WDR7: variants seen among roughly 807,000 people sequenced by gnomAD.
WDR7 encodes WD repeat-containing protein 7.
Under a neutral mutation model 169.4 loss-of-function variants are expected in WDR7, and 46 were observed. The ratio of observed to expected loss-of-function variants is 0.27; its 90% CI spans 0.21 to 0.35. The LOEUF (loss-of-function observed/expected upper bound fraction) is 0.35, where lower values mean the gene tolerates loss of function less well. WDR7 is among the 10% of genes least tolerant of loss of function. The pLI is 1.00. For missense variants in WDR7, 1,534 were observed against 1,859.3 expected (o/e 0.83, Z 3.22); for synonymous variants, 612 against 666.8 (o/e 0.92, Z 1.27).
chr18:56,664,530 CTTT>C (rs56780827), intron 1 of WDR7, among the ~76,000 whole-genome samples: 237 of 145,376 alleles, frequency 1.6e-3, no homozygotes, highest in East Asian at 1.8e-3. Flanking sequence ...TTTTTTTCTC[CTTT>C]TTTTTTTTTT....
At chr18:56,773,881 T>A (rs1214128953) in intron 16 of WDR7, among the ~76,000 whole-genome samples, 2 of 152,142 alleles carry the variant, frequency 1.3e-5, no homozygotes, top group East Asian at 1.9e-4. Flanking sequence ...AATTTTTTCA[T>A]GTTTTCTCTT....
chr18:56,702,589 G>C (rs1369905650), intron 12 of WDR7, among the ~76,000 whole-genome samples: 1 of 152,114 alleles, frequency 6.6e-6, no homozygotes, highest in East Asian at 1.9e-4. Context: ...TTTCAATTGT[G>C]GTAGGTAGCT....
At chr18:56,935,166 A>C (rs2046940770) in intron 22 of WDR7, among the ~76,000 whole-genome samples, 1 of 152,202 alleles carries the variant, frequency 6.6e-6, no homozygotes, top group Non-Finnish European at 1.5e-5. Context: ...TTATATAAAC[A>C]GAATTAGTAT....
intron 26 of WDR7, among the ~76,000 whole-genome samples, chr18:56,976,783 A>G (rs1300601682): frequency 2.0e-5 from 3 of 152,224 alleles, no homozygotes; most frequent in Non-Finnish European, 4.4e-5. Context: ...CTGTTGCTGG[A>G]ATGAAAATGG....
At chr18:56,935,389 T>C (rs1168592625) in intron 22 of WDR7, among the ~76,000 whole-genome samples, 4 of 152,230 alleles carry the variant, frequency 2.6e-5, no homozygotes, top group Non-Finnish European at 5.9e-5. Context: ...CTTTCAGATA[T>C]ACAACCTTAC....
At chr18:56,750,919 A>G (rs1599014991) in intron 14 of WDR7, among the ~76,000 whole-genome samples, 2 of 152,256 alleles carry the variant, frequency 1.3e-5, no homozygotes, top group South Asian at 4.1e-4. Context: ...AGTTAAATCT[A>G]TTGTCAGGTA....
At chr18:56,659,355 C>T (rs1171752892) in intron 1 of WDR7, among the ~76,000 whole-genome samples, 1 of 152,160 alleles carries the variant, frequency 6.6e-6, no homozygotes, top group Admixed American at 6.5e-5. Flanking sequence ...CCAACGCAAA[C>T]ATATTTCATT....
rs182063382 is a variant in WDR7, at chr18:56,828,355, A to G, written c.3304+12211A>G. Among the ~76,000 whole-genome samples the G allele has an allele frequency of 3.3e-5, 5 of 152,348 alleles. No homozygotes were observed. In the East Asian group the frequency reaches 9.6e-4, roughly 29 times the overall value. On this transcript the variant is annotated intron_variant, in intron 20 of 27. Coordinates refer to ENST00000254442, the MANE Select transcript of WDR7 (RefSeq NM_015285.3). ...AGACATAACTGCAGCTTTAAAAGAA[A>G]AAGTAGCTGAGGAAGAGTTAATTTG...
chr18:56,710,067 A>G (rs1284709061), intron 12 of WDR7, among the ~76,000 whole-genome samples: 1 of 146,166 alleles, frequency 6.8e-6, no homozygotes, highest in Non-Finnish European at 1.5e-5. Flanking sequence ...GCAGTGGCGC[A>G]ATCTCGTCTC....
At chr18:56,888,292 A>G (rs1473441576) in intron 21 of WDR7, among the ~76,000 whole-genome samples, 3 of 152,242 alleles carry the variant, frequency 2.0e-5, no homozygotes, top group Non-Finnish European at 4.4e-5. Flanking sequence ...TCACATGTCA[A>G]AGACGAAGCT....
chr18:56,931,901 GA>G (rs561728411), intron 22 of WDR7, among the ~76,000 whole-genome samples: 57 of 152,266 alleles, frequency 3.7e-4, no homozygotes, highest in Non-Finnish European at 6.9e-4. Context: ...CATTGGTGTT[GA>G]AAAGAGTGAG....
rs1273822911 is a variant in WDR7 at position 56,970,585 on chromosome 18, C to T, written c.4164+8056C>T. ...AGGTACAGAGATTTTCCATATACCT[C>T]TGCTCCCACGCATGCATAGCCTCAC... is the stretch of plus-strand genomic sequence containing the variant. On this transcript the variant is annotated intron_variant, in intron 26 of 27. Coordinates refer to ENST00000254442, the MANE Select transcript of WDR7 (RefSeq NM_015285.3). 2.6e-5 allele frequency among the ~76,000 whole-genome samples: 4 copies of T among 152,190 alleles called. No homozygotes were observed. The South Asian group carries it at 8.3e-4, about 31-fold the overall frequency.
intron 5 of WDR7, among the ~76,000 whole-genome samples, chr18:56,684,752 T>A (rs1027246800): frequency 6.6e-6 from 1 of 152,190 alleles, no homozygotes. Context: ...AAAGGTGGGA[T>A]CTCTGGTTAA....
intron 19 of WDR7, among the ~76,000 whole-genome samples, chr18:56,810,765 T>A (rs9956685): frequency 0.12 from 17,576 of 152,140 alleles, 1,464 homozygotes; most frequent in African/African-American, 0.23. Context: ...ACCAAACTTT[T>A]AAAAATTCAG....
intron 20 of WDR7, among the ~76,000 whole-genome samples, chr18:56,859,662 C>T (rs568328547): frequency 2.9e-4 from 44 of 152,186 alleles, no homozygotes; most frequent in African/African-American, 8.9e-4. Context: ...ATGAGTAAAA[C>T]GAAATAATTT....
At chr18:56,952,053 G>A (rs189186802) in intron 25 of WDR7, among the ~76,000 whole-genome samples, 123 of 152,132 alleles carry the variant, frequency 8.1e-4, no homozygotes, top group African/African-American at 2.7e-3. Flanking sequence ...TATCTTATCC[G>A]CTTCCACCTG....
At chr18:56,775,017 A>G (rs907783781) in intron 16 of WDR7, among the ~76,000 whole-genome samples, 8 of 152,232 alleles carry the variant, frequency 5.3e-5, no homozygotes, top group African/African-American at 1.9e-4. Flanking sequence ...ACATACGCCT[A>G]TTCTAGCATT....
downstream of WDR7, chr18:57,034,622 G>A (rs1037502551): frequency 2.0e-5 from 3 of 152,222 alleles, no homozygotes; most frequent in Admixed American, 6.5e-5. Context: ...CTTGTATGGC[G>A]TGCTGATGGA....
chr18:56,721,194 C>A (rs2026313226), intron 13 of WDR7, among the ~76,000 whole-genome samples: 1 of 152,116 alleles, frequency 6.6e-6, no homozygotes, highest in Admixed American at 6.5e-5. Context: ...ACCACATTAA[C>A]CCTGTTTTGC....
Sources: allele counts gnomAD v4.1 joint callset (sites outside exome capture counted in the v4.1 genomes callset), GRCh38; gene constraint gnomAD v4.1.1; transcripts MANE v1.5; gene names NCBI Gene and HGNC (gene_info 2026-07-23, HGNC 2026-07-21).